Variants in ATP10B observed in about 807,000 individuals in gnomAD.
ATP10B encodes phospholipid-transporting ATPase VB.
In ATP10B, 122 loss-of-function variants were observed where a neutral mutation model predicts 141.2. The observed-to-expected ratio is 0.86, with a 90% CI of 0.75 to 1.00. The LOEUF is 1.00. Among genes scored for constraint, ATP10B ranks in the 50% least tolerant of loss-of-function variants. The probability of loss-of-function intolerance (pLI) is 0.00; values close to 1 mark genes in which losing one functional copy is unlikely to be tolerated. For synonymous variants in ATP10B, 685 were observed against 692.0 expected (o/e 0.99, Z 0.16); for missense variants, 1,876 against 1,825.3 (o/e 1.03, Z -0.51).
intron 13 of ATP10B, among the ~76,000 whole-genome samples, chr5:160,622,787 G>C (rs1758422038): frequency 6.6e-6 from 1 of 152,178 alleles, no homozygotes; most frequent in Admixed American, 6.5e-5. Context: ...TCCATTACCA[G>C]ATGCTGACAG....
At chr5:160,629,604 A>G (rs1758804620) in intron 13 of ATP10B, among the ~76,000 whole-genome samples, 1 of 152,246 alleles carries the variant, frequency 6.6e-6, no homozygotes, top group African/African-American at 2.4e-5. Context: ...ATATGTGAAC[A>G]TTTGTTCAAG....
intron 7 of ATP10B, among the ~76,000 whole-genome samples, chr5:160,651,485 C>A (rs1028189547): frequency 2.6e-5 from 4 of 151,942 alleles, no homozygotes; most frequent in Non-Finnish European, 4.4e-5. Flanking sequence ...ACCTGCCCTG[C>A]CCATCTTAAT....
intron 1 of ATP10B, among the ~76,000 whole-genome samples, chr5:160,844,775 C>A (rs547313341): frequency 6.6e-6 from 1 of 152,000 alleles, no homozygotes; most frequent in Non-Finnish European, 1.5e-5. Flanking sequence ...GAACTCCTGG[C>A]CTCAAGTGAT....
rs1757239352 is a variant in ATP10B, at chr5:160,604,009, C to T, written c.3193G>A (p.Ala1065Thr). Reference sequence around the variant, plus strand: ...GATATTCCAATTCCAATATCAGCAGCTTGAATCATGCTTACATCATTTGCT... The same window carrying T: ...GATATTCCAATTCCAATATCAGCAGTTTGAATCATGCTTACATCATTTGCT... ...DGANDVSMIQ[A>T]ADIGIGISGQ... Residue 1065 changes from alanine (A) to threonine (T), a missense_variant, in exon 20 of 26, where the codon GCT (alanine) becomes ACT (threonine). Coordinates refer to ENST00000327245, the MANE Select transcript of ATP10B (RefSeq NM_025153.3). 4 of 1,613,964 alleles carry T rather than the reference C, an allele frequency of 2.5e-6. No homozygotes were observed. Among genetic ancestry groups the T allele is most frequent in the Middle Eastern group, 1.7e-4 (1 of 6,058 alleles).
chr5:160,603,780 C>T, intron 20 of ATP10B, 185 bp downstream of exon 20: 1 of 532,902 alleles, frequency 1.9e-6, no homozygotes, highest in South Asian at 3.0e-5. Flanking sequence ...TGAATTTTGA[C>T]ACTACGAAAG....
At chr5:160,694,863 G>T (rs1341631803) in intron 3 of ATP10B, among the ~76,000 whole-genome samples, 5 of 152,134 alleles carry the variant, frequency 3.3e-5, no homozygotes, top group Non-Finnish European at 5.9e-5. Context: ...CACCAACCAG[G>T]AAAAGTGCCA....
chr5:160,850,462 T>C (rs772792566), intron 1 of ATP10B, among the ~76,000 whole-genome samples: 1 of 151,996 alleles, frequency 6.6e-6, no homozygotes, highest in Non-Finnish European at 1.5e-5. Context: ...CAACACTGGA[T>C]TGAGAGCTCT....
intron 9 of ATP10B, among the ~76,000 whole-genome samples, chr5:160,641,175 G>C (rs79179220): frequency 0.01 from 1,544 of 152,328 alleles, 18 homozygotes; most frequent in African/African-American, 0.035. Flanking sequence ...CTCAGGGAAA[G>C]CTGCTCCAAG....
intron 19 of ATP10B, among the ~76,000 whole-genome samples, chr5:160,605,653 A>G (rs963779964): frequency 1.3e-5 from 2 of 152,258 alleles, no homozygotes; most frequent in African/African-American, 4.8e-5. Context: ...CCTGAAAACC[A>G]GGAACAAAAC....
At chr5:160,657,834 G>A (rs940080627) in intron 7 of ATP10B, among the ~76,000 whole-genome samples, 4 of 152,146 alleles carry the variant, frequency 2.6e-5, no homozygotes, top group South Asian at 4.1e-4. Flanking sequence ...TACAGCATCC[G>A]GCAGATAGAA....
intron 3 of ATP10B, among the ~76,000 whole-genome samples, chr5:160,701,952 G>T (rs1764708773): frequency 6.6e-6 from 1 of 151,178 alleles, no homozygotes; most frequent in Non-Finnish European, 1.5e-5. Flanking sequence ...GGCCTCTTGG[G>T]AGCAGTCACT....
intron 10 of ATP10B, among the ~76,000 whole-genome samples, chr5:160,638,577 C>T (rs559626438): frequency 6.6e-6 from 1 of 152,250 alleles, no homozygotes; most frequent in East Asian, 1.9e-4. Flanking sequence ...TGCTATTAGA[C>T]ATACCTGGGA....
At chr5:160,837,897 C>T (rs1414586911) in intron 1 of ATP10B, among the ~76,000 whole-genome samples, 1 of 152,034 alleles carries the variant, frequency 6.6e-6, no homozygotes, top group Non-Finnish European at 1.5e-5. Flanking sequence ...TATTTTATGT[C>T]TCATAGAAGT....
the ATP10B span, among the ~76,000 whole-genome samples, chr5:160,914,419 A>G: frequency 6.6e-6 from 1 of 152,206 alleles, no homozygotes; most frequent in Non-Finnish European, 1.5e-5. Context: ...TGGATGCCCA[A>G]GTCCCTGAAA....
chr5:160,895,474 G>T, the ATP10B span, among the ~76,000 whole-genome samples: 2 of 152,090 alleles, frequency 1.3e-5, no homozygotes, highest in Non-Finnish European at 2.9e-5. Context: ...AATGGTAAAG[G>T]GATCAATGCA....
At chr5:160,708,310 T>C (rs1475248363) in intron 3 of ATP10B, among the ~76,000 whole-genome samples, 1 of 152,162 alleles carries the variant, frequency 6.6e-6, no homozygotes, top group East Asian at 1.9e-4. Context: ...GTAGCTACAC[T>C]CAACCCCCGC....
chr5:160,617,233 G>T (rs1212999598), intron 16 of ATP10B, among the ~76,000 whole-genome samples: 3 of 152,242 alleles, frequency 2.0e-5, no homozygotes, highest in African/African-American at 7.2e-5. Context: ...GCAATTCGCA[G>T]CCCTCACTGC....
chr5:160,672,252 C>T (rs1762758294), intron 6 of ATP10B, among the ~76,000 whole-genome samples: 1 of 152,158 alleles, frequency 6.6e-6, no homozygotes, highest in Admixed American at 6.5e-5. Context: ...GCTGGGATTA[C>T]AGGCGTGAGC....
Position 160,819,040 on chromosome 5 carries a change from C to A in ATP10B, c.-576+32901G>T, listed in dbSNP as rs867226966. ...GGGACGGATAGCATTAGGAGATATACCTAATGCTAATGACGAGTTAATGGG... is the reference window on the plus strand; with the variant it reads ...GGGACGGATAGCATTAGGAGATATAACTAATGCTAATGACGAGTTAATGGG... On this transcript the variant is annotated intron_variant, in intron 1 of 25. Coordinates refer to ENST00000327245, the MANE Select transcript of ATP10B (RefSeq NM_025153.3). Among the ~76,000 whole-genome samples the A allele has an allele frequency of 2.0e-4, 30 of 152,176 alleles. No homozygotes were observed. The Middle Eastern group carries it at 0.01, about 52-fold the overall frequency.
Sources: allele counts gnomAD v4.1 joint callset (sites outside exome capture counted in the v4.1 genomes callset), GRCh38; gene constraint gnomAD v4.1.1; transcripts MANE v1.5; gene names NCBI Gene and HGNC (gene_info 2026-07-23, HGNC 2026-07-21).